The following LIPH variants were observed in gnomAD, a reference collection of about 807,000 sequenced individuals.
LIPH encodes the protein lipase H.
Under a neutral mutation model 47.6 loss-of-function variants are expected in LIPH, and 32 were observed. That is an observed-to-expected ratio of 0.67 (90% CI 0.51 to 0.90). The LOEUF is 0.90. Among genes scored for constraint, LIPH ranks in the 40% least tolerant of loss-of-function variants. The pLI is 0.00. For missense variants in LIPH, 497 were observed against 541.4 expected (o/e 0.92, Z 0.81); for synonymous variants, 190 against 195.6 (o/e 0.97, Z 0.24).
intron 4 of LIPH, among the ~76,000 whole-genome samples, chr3:185,524,512 C>T (rs183104985): frequency 7.5e-5 from 11 of 147,180 alleles, no homozygotes; most frequent in Admixed American, 6.2e-4. Flanking sequence ...TGCAATGATG[C>T]AATCTCTGCT....
intron 1 of LIPH, among the ~76,000 whole-genome samples, chr3:185,549,056 G>A (rs1027647769): frequency 1.3e-5 from 2 of 151,828 alleles, no homozygotes; most frequent in East Asian, 1.9e-4. Flanking sequence ...GCTTGAACCC[G>A]GGAGGCAGAG....
chr3:185,550,841 T>C (rs1721027532), intron 1 of LIPH, among the ~76,000 whole-genome samples: 1 of 152,168 alleles, frequency 6.6e-6, no homozygotes, highest in Non-Finnish European at 1.5e-5. Context: ...GTGCTGGGAT[T>C]ATAGGCATGA....
chr3:185,521,164 G>A (rs78859552), intron 5 of LIPH, among the ~76,000 whole-genome samples: 10,853 of 152,040 alleles, frequency 0.071, 601 homozygotes, highest in African/African-American at 0.15. Flanking sequence ...CACCATACCC[G>A]ACTGAGTACT....
rs371942576 is a variant in LIPH, at chr3:185,535,072, G to A, written c.110C>T (p.Thr37Met). The change falls in exon 2 of 10, where the codon ACG becomes ATG. Residue 37 changes from threonine (T) to methionine (M), a missense_variant. Coordinates refer to ENST00000296252, the MANE Select transcript of LIPH (RefSeq NM_139248.3). Reference sequence around the variant, plus strand: ...GAGCATCAGCCTCACATTTAGTCCCGTACCAACCACTGCACTGTGAAAGCT... The same window carrying A: ...GAGCATCAGCCTCACATTTAGTCCCATACCAACCACTGCACTGTGAAAGCT... ...RLSFHSAVVGTGLNVRLMLYT... is the reference protein window; with the variant it reads ...RLSFHSAVVGMGLNVRLMLYT... 1.7e-5 allele frequency: 28 copies of A among 1,613,932 alleles called. No homozygotes were observed. Among genetic ancestry groups the A allele is most frequent in the African/African-American group, 1.3e-4 (10 of 74,972 alleles).
chr3:185,535,668 T>A (rs1466394131), intron 1 of LIPH, among the ~76,000 whole-genome samples: 1 of 152,076 alleles, frequency 6.6e-6, no homozygotes, highest in East Asian at 1.9e-4. Context: ...AGTGGTGCAA[T>A]CTCAGCTCAC....
intron 1 of LIPH, among the ~76,000 whole-genome samples, chr3:185,549,797 C>G (rs1164051319): frequency 6.6e-6 from 1 of 152,068 alleles, no homozygotes; most frequent in African/African-American, 2.4e-5. Context: ...TGGGCTCAAG[C>G]GATCCTCCCA....
intron 9 of LIPH, among the ~76,000 whole-genome samples, chr3:185,511,021 G>T (rs1719544783): frequency 6.6e-6 from 1 of 151,918 alleles, no homozygotes; most frequent in Non-Finnish European, 1.5e-5. Flanking sequence ...AATTTTCTTG[G>T]ATTACTGGGC....
rs571117348 is a variant in LIPH, at chr3:185,522,801, T to G, written c.718+1270A>C. On this transcript the variant is annotated intron_variant, in intron 5 of 9. Transcript: ENST00000296252. Reference sequence around the variant, plus strand: ...TTCTCATTGTAAAAGTAATATAAAATTATTTGAAAAACACAAAATGATAGG... The same window carrying G: ...TTCTCATTGTAAAAGTAATATAAAAGTATTTGAAAAACACAAAATGATAGG... 3.3e-3 allele frequency among the ~76,000 whole-genome samples: 501 copies of G among 152,278 alleles called. 3 individuals are homozygous for G. Among genetic ancestry groups the G allele is most frequent in the African/African-American group, 0.012 (483 of 41,572 alleles).
At chr3:185,527,855 G>A (rs940569936) in intron 3 of LIPH, among the ~76,000 whole-genome samples, 4 of 150,140 alleles carry the variant, frequency 2.7e-5, no homozygotes, top group African/African-American at 9.8e-5. Flanking sequence ...AGTAGGGAAC[G>A]TACACGTGTA....
rs563060609 is a variant in LIPH, at chr3:185,533,644, G to A, written c.453C>T (p.Ile151=). 3.0e-5 allele frequency: 48 copies of A among 1,613,774 alleles called. No individual in the cohort carries two copies. The East Asian group carries it at 5.8e-4, about 19-fold the overall frequency. Reference sequence around the variant, plus strand: ...ATATGTGGGCTCCTAGACTTACTCCGATCATGTAAATGTCATCAAGAGAAG... The same window carrying A: ...ATATGTGGGCTCCTAGACTTACTCCAATCATGTAAATGTCATCAAGAGAAG... ...EGASLDDIYM[I]GVSLGAHISG... Residue 151 remains isoleucine, a synonymous_variant, in exon 3 of 10, where the codon ATC becomes ATT. Coordinates refer to ENST00000296252, the MANE Select transcript of LIPH (RefSeq NM_139248.3).
intron 5 of LIPH, 57 bp from the exon 6 acceptor site, chr3:185,519,366 A>G (rs1719831452): frequency 2.9e-6 from 3 of 1,025,830 alleles, no homozygotes; most frequent in South Asian, 1.3e-5. Context: ...TAGTAATACT[A>G]TATCACATAT....
At chr3:185,511,337 T>C (rs1719556975) in intron 9 of LIPH, among the ~76,000 whole-genome samples, 187 bp downstream of exon 9, 1 of 152,086 alleles carries the variant, frequency 6.6e-6, no homozygotes, top group Admixed American at 6.6e-5. Flanking sequence ...AGTGCTGAGA[T>C]TATAGGCTTG....
chr3:185,526,933 G>C (rs1560163213), intron 4 of LIPH, among the ~76,000 whole-genome samples: 1 of 152,038 alleles, frequency 6.6e-6, no homozygotes, highest in Non-Finnish European at 1.5e-5. Context: ...GTCCTTCATT[G>C]AGCATGATGA....
chr3:185,514,198 G>T (rs955789793), intron 8 of LIPH, among the ~76,000 whole-genome samples: 1 of 151,738 alleles, frequency 6.6e-6, no homozygotes, highest in Non-Finnish European at 1.5e-5. Context: ...AAGAGAAGGA[G>T]GGAAGGAAAG....
intron 7 of LIPH, among the ~76,000 whole-genome samples, chr3:185,516,287 G>A (rs963898145): frequency 8.5e-4 from 129 of 151,194 alleles, no homozygotes; most frequent in African/African-American, 3.1e-3. Flanking sequence ...ACAAAAATTA[G>A]CCAGGCATGG....
chr3:185,527,350 G>A (rs1205301905), intron 4 of LIPH, 134 bp downstream of exon 4: 1 of 756,404 alleles, frequency 1.3e-6, no homozygotes, highest in Non-Finnish European at 2.4e-6. Context: ...TATTTCGGTG[G>A]ATTTGGAACC....
intron 1 of LIPH, among the ~76,000 whole-genome samples, chr3:185,546,250 G>A (rs1321467981): frequency 2.6e-5 from 4 of 151,966 alleles, no homozygotes; most frequent in Admixed American, 1.3e-4. Flanking sequence ...TACTCGGGAG[G>A]CTGAGGCAGG....
Position 185,519,165 on chromosome 3 carries a change from T to A in LIPH, c.863A>T (p.Gln288Leu), listed in dbSNP as rs376974379. 41 of 1,614,046 alleles carry A rather than the reference T, an allele frequency of 2.5e-5. No individual in the cohort carries two copies. Among genetic ancestry groups the A allele is most frequent in the Non-Finnish European group, 3.1e-5 (37 of 1,179,984 alleles). ...ACCCAGAAGGGGACAGGACTCTTTT[T>A]GTGACGTGCCGCAGCTGACACACTT... is the stretch of plus-strand genomic sequence containing the variant. Reference protein sequence around the residue: ...NGKCVSCGTSQKESCPLLGYY... With the variant: ...NGKCVSCGTSLKESCPLLGYY... The change falls in exon 6 of 10, where the codon CAA (glutamine) becomes CTA (leucine). Residue 288 changes from glutamine to leucine, a missense_variant. By Grantham distance (113) the Gln-to-Leu change is moderately radical. Coordinates refer to ENST00000296252, the MANE Select transcript of LIPH (RefSeq NM_139248.3).
rs533971467 is a variant in LIPH, at chr3:185,531,501, G to T, written c.526+2070C>A. Among the ~76,000 whole-genome samples, 135 of 150,162 alleles carry T rather than the reference G, an allele frequency of 9.0e-4. 3 individuals are homozygous for T. The highest frequency in any genetic ancestry group is 3.1e-3 in the African/African-American group (127 of 40,822). Reference sequence around the variant, plus strand: ...AGCCCAGGGAGCATCAGGCTGCAGTGAGCCATGATCATGCCACTACACTCC... The same window carrying T: ...AGCCCAGGGAGCATCAGGCTGCAGTTAGCCATGATCATGCCACTACACTCC... On this transcript the variant is annotated intron_variant, in intron 3 of 9. Transcript: ENST00000296252.
Sources: allele counts gnomAD v4.1 joint callset (sites outside exome capture counted in the v4.1 genomes callset), GRCh38; gene constraint gnomAD v4.1.1; transcripts MANE v1.5; gene names NCBI Gene and HGNC (gene_info 2026-07-23, HGNC 2026-07-21).